Variants in DCLK1 observed in about 807,000 individuals in gnomAD.
DCLK1 encodes the protein serine/threonine-protein kinase DCLK1.
A neutral mutation model predicts 86.2 loss-of-function variants in DCLK1; 16 were observed. That is an observed-to-expected ratio of 0.19 (90% CI 0.13 to 0.28). DCLK1 has a LOEUF of 0.28. Ranked by LOEUF, DCLK1 falls within the 10% of genes least tolerant of loss-of-function variation. The probability of loss-of-function intolerance (pLI) is 1.00; values close to 1 mark genes in which losing one functional copy is unlikely to be tolerated. For synonymous variants in DCLK1, 369 were observed against 370.5 expected, an observed-to-expected ratio of 1.00 and a Z score of 0.05; for missense variants, 590 against 940.2, an observed-to-expected ratio of 0.63 and a Z score of 4.87.
intron 16 of DCLK1, 116 bp downstream of exon 16, chr13:35,793,250 C>T: frequency 1.5e-6 from 1 of 652,198 alleles, no homozygotes; most frequent in Non-Finnish European, 2.6e-6. Flanking sequence ...AGTGGCTGAG[C>T]TGTCTAAAGA....
In DCLK1 at chr13:36,055,073, G is replaced by C. The variant is rs770418544; in HGVS notation, c.723+56796C>G. Among the ~76,000 whole-genome samples the C allele has an allele frequency of 2.0e-5, 3 of 152,084 alleles. No individual in the cohort carries two copies. In the East Asian group the frequency reaches 5.8e-4, roughly 29 times the overall value. ...GCAAGAGACAGATTTCACAAAACTG[G>C]TCACTGGGTTCGCTGAAAAGGCAAA... On this transcript the variant is annotated intron_variant, in intron 3 of 16. Coordinates refer to ENST00000360631, the MANE Select transcript of DCLK1 (RefSeq NM_001330071.2).
chr13:35,913,279 G>A (rs1036137805), intron 4 of DCLK1, among the ~76,000 whole-genome samples: 2 of 152,122 alleles, frequency 1.3e-5, no homozygotes, highest in Admixed American at 6.5e-5. Flanking sequence ...CCATGATACT[G>A]GCCTGGATAC....
intron 3 of DCLK1, among the ~76,000 whole-genome samples, chr13:36,089,095 A>G (rs73182148): frequency 0.15 from 23,222 of 152,258 alleles, 2,151 homozygotes; most frequent in Non-Finnish European, 0.21. Flanking sequence ...GGAGGTGAAA[A>G]GTCTGAAATT....
At chr13:35,833,788 T>A (rs989300980) in intron 8 of DCLK1, among the ~76,000 whole-genome samples, 1 of 152,222 alleles carries the variant, frequency 6.6e-6, no homozygotes, top group Non-Finnish European at 1.5e-5. Context: ...TGGAAAATAT[T>A]AGAAGAATGT....
chr13:35,850,291 G>A, intron 6 of DCLK1: 1 of 985,140 alleles, frequency 1.0e-6, no homozygotes. Flanking sequence ...ATGCCTGCTA[G>A]TGCCGTTTTA....
At chr13:36,076,339 AT>A (rs1255122278) in intron 3 of DCLK1, among the ~76,000 whole-genome samples, 1 of 152,138 alleles carries the variant, frequency 6.6e-6, no homozygotes, top group Non-Finnish European at 1.5e-5. Context: ...CATGGATTTT[AT>A]TTTTAAATAT....
intron 3 of DCLK1, among the ~76,000 whole-genome samples, chr13:35,959,589 T>TA (rs1878342508): frequency 6.6e-6 from 1 of 152,308 alleles, no homozygotes; most frequent in East Asian, 1.9e-4. Flanking sequence ...TCGTGTTTTA[T>TA]AAAAAACATT....
intron 16 of DCLK1, among the ~76,000 whole-genome samples, chr13:35,783,009 G>A (rs1052443705): frequency 5.9e-5 from 9 of 152,248 alleles, no homozygotes; most frequent in Admixed American, 5.9e-4. Context: ...TACAAAAAAA[G>A]GAAGTGGGCT....
chr13:35,799,402 C>T (rs952924435), intron 15 of DCLK1, among the ~76,000 whole-genome samples: 6 of 152,130 alleles, frequency 3.9e-5, no homozygotes, highest in South Asian at 2.1e-4. Flanking sequence ...CAGGCATGTG[C>T]CACCATGCGT....
At chr13:36,092,391 T>C (rs1275804601) in intron 3 of DCLK1, among the ~76,000 whole-genome samples, 1 of 152,184 alleles carries the variant, frequency 6.6e-6, no homozygotes, top group Non-Finnish European at 1.5e-5. Context: ...TGAATAGCTG[T>C]TAGTTGTTAT....
intron 3 of DCLK1, among the ~76,000 whole-genome samples, chr13:36,074,673 T>C (rs1298821350): frequency 6.6e-6 from 1 of 152,176 alleles, no homozygotes. Flanking sequence ...TAGACACCTA[T>C]AGCTTTGGTA....
chr13:35,805,847 A>G (rs760612177), intron 14 of DCLK1, 68 bp from the exon 15 acceptor site: 2 of 1,412,788 alleles, frequency 1.4e-6, no homozygotes, highest in Middle Eastern at 1.8e-4. Flanking sequence ...GTGCAAATGC[A>G]AGAGTTCTCT....
chr13:35,950,052 C>A (rs1258815419), intron 3 of DCLK1, among the ~76,000 whole-genome samples: 2 of 152,182 alleles, frequency 1.3e-5, no homozygotes, highest in African/African-American at 4.8e-5. Flanking sequence ...GTTGAACTAA[C>A]AGAAACTCTG....
In DCLK1 at chr13:36,037,396, A is replaced by G. The variant is rs148689674; in HGVS notation, c.723+74473T>C. 2.7e-3 allele frequency among the ~76,000 whole-genome samples: 418 copies of G among 152,278 alleles called. 2 individuals are homozygous for G. Among genetic ancestry groups the G allele is most frequent in the Middle Eastern group, 6.8e-3 (2 of 294 alleles). On this transcript the variant is annotated intron_variant, in intron 3 of 16. Transcript: ENST00000360631. ...TTTAAAAATAGAAGAGAATTTTTCT[A>G]ATGTTCCTAGCATAAAGAAAAGATA...
chr13:36,098,599 C>A (rs1885092805), intron 3 of DCLK1, among the ~76,000 whole-genome samples: 1 of 152,200 alleles, frequency 6.6e-6, no homozygotes, highest in African/African-American at 2.4e-5. Flanking sequence ...AACACAGTTG[C>A]CAATCCTCAA....
intron 3 of DCLK1, among the ~76,000 whole-genome samples, chr13:35,956,536 G>C (rs1337750816): frequency 7.9e-6 from 1 of 127,232 alleles, no homozygotes; most frequent in East Asian, 2.2e-4. Flanking sequence ...CTGAACATAT[G>C]GCTGGTTCTC....
intron 4 of DCLK1, among the ~76,000 whole-genome samples, chr13:35,893,841 T>A (rs1044669040): frequency 1.3e-5 from 2 of 152,220 alleles, no homozygotes; most frequent in East Asian, 1.9e-4. Context: ...TGTGAATAAG[T>A]GCAGGAAAAT....
At chr13:36,081,054 T>C (rs185570735) in intron 3 of DCLK1, among the ~76,000 whole-genome samples, 1 of 152,242 alleles carries the variant, frequency 6.6e-6, no homozygotes, top group East Asian at 1.9e-4. Flanking sequence ...CTTTCAATAA[T>C]TACAGACTTC....
intron 4 of DCLK1, among the ~76,000 whole-genome samples, chr13:35,899,422 A>T (rs572477568): frequency 2.4e-4 from 37 of 151,956 alleles, no homozygotes; most frequent in African/African-American, 7.5e-4. Context: ...TAAAGTGTAC[A>T]TTGTACTATA....
Sources: gnomAD v4.1 joint callset for allele counts (sites outside exome capture counted in the v4.1 genomes callset) on GRCh38, gnomAD v4.1.1 for gene constraint, MANE v1.5 for transcripts, NCBI Gene and HGNC (gene_info 2026-07-23, HGNC 2026-07-21) for gene names.